Variants in COL22A1 observed in about 807,000 individuals in gnomAD.
The protein encoded by COL22A1 is collagen type XXII alpha 1 chain.
A neutral mutation model predicts 248.9 loss-of-function variants in COL22A1; 221 were observed. The observed-to-expected ratio is 0.89, with a 90% CI of 0.80 to 0.99. COL22A1 has a LOEUF of 0.99. COL22A1 is among the 50% of genes least tolerant of loss of function. COL22A1 has a pLI of 0.00. For missense variants in COL22A1, 2,240 were observed against 2,179.0 expected (o/e 1.03, Z -0.56); for synonymous variants, 891 against 793.4 (o/e 1.12, Z -2.07).
intron 3 of COL22A1, among the ~76,000 whole-genome samples, chr8:138,863,942 A>G (rs11166852): frequency 0.93 from 141,256 of 152,030 alleles, 65,652 homozygotes; most frequent in East Asian, 0.98. Context: ...TCAGATACAT[A>G]CCTATCAGAT....
intron 41 of COL22A1, among the ~76,000 whole-genome samples, chr8:138,672,331 C>A (rs919524755): frequency 2.0e-5 from 3 of 152,140 alleles, no homozygotes; most frequent in African/African-American, 7.2e-5. Context: ...CTTGTCCCTG[C>A]AAGTAGGCAC....
At chr8:138,722,255 G>T in intron 25 of COL22A1, 166 bp from the exon 26 acceptor site, 1 of 607,806 alleles carries the variant, frequency 1.6e-6, no homozygotes, top group Non-Finnish European at 3.0e-6. Flanking sequence ...TGTGGTCTCT[G>T]TCTGACCACA....
intron 54 of COL22A1, 78 bp from the exon 55 acceptor site, chr8:138,616,132 A>T (rs1819301366): frequency 1.3e-5 from 15 of 1,198,794 alleles, no homozygotes; most frequent in South Asian, 1.2e-4. Flanking sequence ...GCACCTGAGG[A>T]GCTGGGAGAG....
chr8:138,852,463 A>G lies in COL22A1; in HGVS notation c.659-8305T>C, dbSNP rs77825485. ...GTTGGAGCCACAGAACATGAGTCCAATGGTGGACATTTTCCATCTGAGATG... is the reference window on the plus strand; with the variant it reads ...GTTGGAGCCACAGAACATGAGTCCAGTGGTGGACATTTTCCATCTGAGATG... On this transcript the variant is annotated intron_variant, in intron 3 of 64. Coordinates refer to ENST00000303045, the MANE Select transcript of COL22A1 (RefSeq NM_152888.3). 6.1e-3 allele frequency among the ~76,000 whole-genome samples: 923 copies of G among 152,308 alleles called. 4 individuals carry two copies. Among genetic ancestry groups the G allele is most frequent in the Middle Eastern group, 0.014 (4 of 292 alleles).
intron 39 of COL22A1, among the ~76,000 whole-genome samples, chr8:138,681,361 T>G (rs949274806): frequency 2.6e-5 from 4 of 152,054 alleles, no homozygotes; most frequent in Non-Finnish European, 5.9e-5. Flanking sequence ...TGGGATCCAT[T>G]GGATCAGTGG....
intron 6 of COL22A1, among the ~76,000 whole-genome samples, chr8:138,823,241 T>TA (rs1397283111): frequency 6.6e-6 from 1 of 152,212 alleles, no homozygotes; most frequent in Non-Finnish European, 1.5e-5. Context: ...AGAAGTATAA[T>TA]ATATATAAAA....
intron 22 of COL22A1, among the ~76,000 whole-genome samples, chr8:138,742,005 T>C (rs1831613076): frequency 6.6e-6 from 1 of 151,770 alleles, no homozygotes; most frequent in Admixed American, 6.6e-5. Flanking sequence ...GAGTTGATGG[T>C]GATGGTGATG....
intron 37 of COL22A1, among the ~76,000 whole-genome samples, chr8:138,686,102 A>T (rs1232752309): frequency 6.6e-6 from 1 of 152,178 alleles, no homozygotes; most frequent in Non-Finnish European, 1.5e-5. Flanking sequence ...AACATTGGAC[A>T]CTAAGTCTGT....
chr8:138,732,908 A>G (rs1414335231), intron 23 of COL22A1, among the ~76,000 whole-genome samples: 2 of 152,260 alleles, frequency 1.3e-5, no homozygotes, highest in Admixed American at 6.5e-5. Flanking sequence ...ATAAAGTTAG[A>G]TGGAATTTGA....
chr8:138,617,193 C>T (rs901227641), intron 53 of COL22A1, among the ~76,000 whole-genome samples: 1 of 152,192 alleles, frequency 6.6e-6, no homozygotes, highest in South Asian at 2.1e-4. Flanking sequence ...AGGGCTCATC[C>T]CACAAATGCC....
chr8:138,890,095 A>G (rs1437660299), intron 1 of COL22A1, among the ~76,000 whole-genome samples: 1 of 152,212 alleles, frequency 6.6e-6, no homozygotes, highest in Non-Finnish European at 1.5e-5. Flanking sequence ...AAATCAATCA[A>G]TGTAACATAC....
chr8:138,632,634 C>T (rs1820822060), intron 49 of COL22A1, among the ~76,000 whole-genome samples: 1 of 152,134 alleles, frequency 6.6e-6, no homozygotes, highest in Non-Finnish European at 1.5e-5. Context: ...ATGACTACAT[C>T]ATGGTCTTGG....
chr8:138,845,040 A>G (rs990043708), intron 3 of COL22A1, among the ~76,000 whole-genome samples: 1 of 152,066 alleles, frequency 6.6e-6, no homozygotes, highest in African/African-American at 2.4e-5. Context: ...GTGTGCAGGG[A>G]CGGACCAGAA....
At chr8:138,850,354 G>A (rs1395299274) in intron 3 of COL22A1, among the ~76,000 whole-genome samples, 5 of 152,346 alleles carry the variant, frequency 3.3e-5, no homozygotes, top group African/African-American at 1.2e-4. Context: ...CAGGAAGTCT[G>A]TGTGACATAT....
In COL22A1 at chr8:138,607,920, G is replaced by C; in HGVS notation, c.4032+16C>G. 1 of 1,613,290 alleles carries C rather than the reference G, an allele frequency of 6.2e-7. No homozygotes were observed. The highest frequency in any genetic ancestry group is 1.1e-5 in the South Asian group (1 of 90,998). The stretch of plus-strand genomic sequence containing the variant: ...CCCACCCTGATGCCATCACATAGCA[G>C]CCAAAGAGAACTCACAGGGGTTCCT... On this transcript the variant is annotated intron_variant, in intron 57 of 64. Transcript: ENST00000303045.
chr8:138,705,316 A>G (rs1266003618), intron 30 of COL22A1, among the ~76,000 whole-genome samples: 1 of 152,212 alleles, frequency 6.6e-6, no homozygotes, highest in African/African-American at 2.4e-5. Context: ...GAGCAACTCC[A>G]AGACACATAA....
chr8:138,755,602 G>A, intron 19 of COL22A1, 91 bp from the exon 20 acceptor site: 1 of 1,451,618 alleles, frequency 6.9e-7, no homozygotes, highest in Non-Finnish European at 9.7e-7. Flanking sequence ...TTCATTCACA[G>A]GCCATGCTGT....
intron 27 of COL22A1, among the ~76,000 whole-genome samples, chr8:138,719,187 C>A (rs554630476): frequency 6.6e-6 from 1 of 152,042 alleles, no homozygotes; most frequent in Non-Finnish European, 1.5e-5. Context: ...TGAAAGGTGG[C>A]CCGAGTACTT....
chr8:138,634,910 A>G, intron 49 of COL22A1, 100 bp downstream of exon 49: 1 of 858,834 alleles, frequency 1.2e-6, no homozygotes, highest in East Asian at 2.6e-5. Flanking sequence ...CCATCCCTTA[A>G]AATGAGAGAT....
Sources: allele counts gnomAD v4.1 joint callset (sites outside exome capture counted in the v4.1 genomes callset), GRCh38; gene constraint gnomAD v4.1.1; transcripts MANE v1.5; gene names NCBI Gene and HGNC (gene_info 2026-07-23, HGNC 2026-07-21).